Variants in HIP1 observed in about 807,000 individuals in gnomAD.
HIP1 encodes huntingtin-interacting protein 1.
HIP1 carries 65 observed loss-of-function variants against 147.6 expected under a neutral mutation model. The ratio of observed to expected loss-of-function variants is 0.44; its 90% confidence interval spans 0.36 to 0.54. The LOEUF is 0.54. Among genes scored for constraint, HIP1 ranks in the 20% least tolerant of loss-of-function variants. HIP1 has a pLI of 0.00. For missense variants in HIP1, 1,061 were observed against 1,299.6 expected (o/e 0.82, Z 2.82); for synonymous variants, 479 against 504.0 (o/e 0.95, Z 0.67).
chr7:75,601,308 G>A (rs1796962747), intron 1 of HIP1, among the ~76,000 whole-genome samples: 1 of 152,118 alleles, frequency 6.6e-6, no homozygotes, highest in African/African-American at 2.4e-5. Context: ...AAAGCTTATG[G>A]CCGGGCACAG....
chr7:75,734,549 T>C (rs548529403), intron 1 of HIP1, among the ~76,000 whole-genome samples: 1 of 152,238 alleles, frequency 6.6e-6, no homozygotes, highest in East Asian at 1.9e-4. Context: ...CCACTAACCA[T>C]GAGCTTCAGG....
intron 1 of HIP1, among the ~76,000 whole-genome samples, chr7:75,688,586 C>T (rs1584952200): frequency 6.6e-6 from 1 of 152,100 alleles, no homozygotes; most frequent in African/African-American, 2.4e-5. Flanking sequence ...CCCCCACGCA[C>T]ACCCTCCACC....
chr7:75,553,604 C>A lies in HIP1; in HGVS notation c.2159-15G>T. 3 of 1,609,388 alleles carry A rather than the reference C, an allele frequency of 1.9e-6. No homozygotes were observed. The highest frequency in any genetic ancestry group is 2.5e-6 in the Non-Finnish European group (3 of 1,176,882). On this transcript the variant is annotated splice_polypyrimidine_tract_variant and intron_variant, in intron 21 of 30. Transcript: ENST00000336926. ...CTCGGTCAGTGCTGGAGATACAAGG[C>A]AATAGACACTTTTTTTTTGAGATGG...
chr7:75,595,342 T>G (rs1201464109), intron 2 of HIP1, among the ~76,000 whole-genome samples: 3 of 150,476 alleles, frequency 2.0e-5, no homozygotes, highest in South Asian at 2.1e-4. Flanking sequence ...TCGTTCGTTC[T>G]TTCTTTCTAT....
At position 75,573,891 on chromosome 7, in the gene HIP1, G is replaced by C; in HGVS notation, c.615C>G (p.Ser205=). 1 of 1,612,112 alleles carries C rather than the reference G, an allele frequency of 6.2e-7. No homozygotes were observed. The highest frequency in any genetic ancestry group is 8.5e-7 in the Non-Finnish European group (1 of 1,178,454). Residue 205 remains serine, a synonymous_variant, in exon 8 of 31, where the codon TCC becomes TCG. Coordinates refer to ENST00000336926, the MANE Select transcript of HIP1 (RefSeq NM_005338.7). ...ELNLFQTVFN[S]LDMSRSVSVT... ...CGGACACAGAGCGGGACATGTCCAG[G>C]GAGTTGAATACTAGGAAATAAAAGT...
At chr7:75,549,839 G>GT (rs34920736) in intron 22 of HIP1, among the ~76,000 whole-genome samples, 159 of 136,410 alleles carry the variant, frequency 1.2e-3, no homozygotes, top group Middle Eastern at 3.7e-3. Flanking sequence ...CCGGATAATT[G>GT]TTTTTTTTTT....
chr7:75,634,786 A>G (rs2117137090), intron 1 of HIP1, among the ~76,000 whole-genome samples: 1 of 152,018 alleles, frequency 6.6e-6, no homozygotes, highest in Admixed American at 6.6e-5. Context: ...TAAATAAAAT[A>G]AAAATTAGCC....
intron 1 of HIP1, among the ~76,000 whole-genome samples, chr7:75,656,480 A>T (rs1300418445): frequency 1.3e-5 from 2 of 151,624 alleles, no homozygotes; most frequent in African/African-American, 2.4e-5. Context: ...TATTGAGAAG[A>T]TCTTTTTGAT....
At chr7:75,627,163 A>C (rs868966939) in intron 1 of HIP1, among the ~76,000 whole-genome samples, 15 of 152,278 alleles carry the variant, frequency 9.9e-5, no homozygotes, top group African/African-American at 3.4e-4. Context: ...ACTCAAGGCT[A>C]TCTCTCCTCG....
intron 23 of HIP1, 43 bp from the exon 24 acceptor site, chr7:75,547,856 A>C: frequency 6.5e-7 from 1 of 1,538,810 alleles, no homozygotes; most frequent in Non-Finnish European, 9.0e-7. Context: ...CTTGAATATT[A>C]AGGATCCACT....
chr7:75,624,208 G>A (rs782550383), intron 1 of HIP1, among the ~76,000 whole-genome samples: 5 of 152,204 alleles, frequency 3.3e-5, no homozygotes, highest in African/African-American at 9.7e-5. Context: ...AGGCAGAGGC[G>A]CTGATGGATA....
intron 1 of HIP1, among the ~76,000 whole-genome samples, chr7:75,646,449 A>G (rs1798806702): frequency 6.6e-6 from 1 of 152,254 alleles, no homozygotes. Flanking sequence ...CTACAAGTGC[A>G]AGGCACTCAC....
intron 4 of HIP1, among the ~76,000 whole-genome samples, 196 bp downstream of exon 4, chr7:75,591,860 C>T (rs943018657): frequency 2.0e-5 from 3 of 152,068 alleles, no homozygotes; most frequent in South Asian, 2.1e-4. Flanking sequence ...TTTCCTGAAG[C>T]GTCCAGAGAC....
intron 17 of HIP1, 133 bp downstream of exon 17, chr7:75,556,577 C>A: frequency 1.6e-6 from 1 of 637,312 alleles, no homozygotes; most frequent in East Asian, 2.6e-5. Context: ...CCCAGTTACT[C>A]GGGGGGCTAA....
Position 75,547,005 on chromosome 7 carries a change from C to T in HIP1, c.2493G>A (p.Met831Ile), listed in dbSNP as rs1554491175. The change falls in exon 25 of 31, where the codon ATG becomes ATA. Residue 831 changes from methionine to isoleucine, a missense_variant. Met to Ile is a conservative substitution (Grantham distance 10, BLOSUM62 1). This residue lies in a region of HIP1 where 810 missense variants were observed against 946.8 expected (regional missense o/e 0.86). Transcript: ENST00000336926. ...ERILGCCTSLMQAIQVLIVAS... is the reference protein window; with the variant it reads ...ERILGCCTSLIQAIQVLIVAS... ...CCACGATGAGCACCTGAATAGCTTG[C>T]ATGAGGCTGGTACAGCAACCAAGGA... The T allele has an allele frequency of 1.3e-6, 2 of 1,586,816 alleles. No homozygotes were observed. Among genetic ancestry groups the T allele is most frequent in the Non-Finnish European group, 1.7e-6 (2 of 1,165,498 alleles).
chr7:75,639,295 G>A (rs1361011959), intron 1 of HIP1: 1 of 134,222 alleles, frequency 7.5e-6, no homozygotes, highest in Non-Finnish European at 1.6e-5. Context: ...GGCGGGCGCG[G>A]AGCCGCAGCG....
At chr7:75,712,070 T>C (rs1382653642) in intron 1 of HIP1, among the ~76,000 whole-genome samples, 1 of 152,132 alleles carries the variant, frequency 6.6e-6, no homozygotes. Flanking sequence ...CTGGTGACAG[T>C]TGTAGCATGA....
intron 8 of HIP1, among the ~76,000 whole-genome samples, chr7:75,569,480 T>A (rs1225024295): frequency 2.0e-5 from 3 of 151,982 alleles, no homozygotes; most frequent in Admixed American, 6.6e-5. Flanking sequence ...TGTGGTGATG[T>A]GCACTGTAGT....
chr7:75,623,823 T>C (rs1554507582), intron 1 of HIP1, among the ~76,000 whole-genome samples: 2 of 152,154 alleles, frequency 1.3e-5, no homozygotes, highest in African/African-American at 4.8e-5. Context: ...TCCCAGCACT[T>C]TGGGAGGCCG....
Sources: allele counts gnomAD v4.1 joint callset (sites outside exome capture counted in the v4.1 genomes callset), GRCh38; gene constraint gnomAD v4.1.1; regional missense constraint gnomAD v4.1.1; transcripts MANE v1.5; gene names NCBI Gene and HGNC (gene_info 2026-07-23, HGNC 2026-07-21).